BTBD9: variants seen among roughly 807,000 people sequenced by gnomAD.
BTBD9 encodes BTB/POZ domain-containing protein 9.
BTBD9 carries 49 observed loss-of-function variants against 64.3 expected under a neutral mutation model. That is an observed-to-expected ratio of 0.76 (90% CI 0.61 to 0.97). The LOEUF (loss-of-function observed/expected upper bound fraction) is 0.97, where lower values mean the gene tolerates loss of function less well. Ranked by LOEUF, BTBD9 falls within the 50% of genes least tolerant of loss-of-function variation. The pLI, the probability that BTBD9 is intolerant of heterozygous loss-of-function variation, is 0.00. For missense variants in BTBD9, 598 were observed against 762.1 expected (o/e 0.78, Z 2.53); for synonymous variants, 260 against 274.7 (o/e 0.95, Z 0.53).
intron 9 of BTBD9, among the ~76,000 whole-genome samples, chr6:38,227,571 G>A (rs557230583): frequency 6.6e-6 from 1 of 152,198 alleles, no homozygotes; most frequent in African/African-American, 2.4e-5. Context: ...GGGCTGGCTG[G>A]CCACAGTGGC....
chr6:38,297,105 C>T (rs781273606), intron 7 of BTBD9, among the ~76,000 whole-genome samples: 6 of 152,200 alleles, frequency 3.9e-5, no homozygotes, highest in East Asian at 1.9e-4. Context: ...CGGTGGCTCA[C>T]GCCTGTAATC....
rs1277961815 is a variant in BTBD9 at position 38,169,222 on chromosome 6, G to T, written c.*5763C>A. ...AGCAGGTCTCAGAATGACTCCTGTA[G>T]TGGCTAGGACTAGGGCACTGGCCGC... is the stretch of plus-strand genomic sequence containing the variant. On this transcript the variant is annotated 3_prime_UTR_variant, in exon 11 of 11. Coordinates refer to ENST00000481247, the MANE Select transcript of BTBD9 (RefSeq NM_001099272.2). The T allele has an allele frequency of 2.6e-5, 4 of 152,414 alleles. No individual in the cohort carries two copies. Among genetic ancestry groups the T allele is most frequent in the African/African-American group, 9.6e-5 (4 of 41,458 alleles). The allele number at this position is 152,414 out of a possible 1,614,324, so 9.4% of individuals were successfully genotyped here.
intron 10 of BTBD9, among the ~76,000 whole-genome samples, chr6:38,183,255 G>A (rs1011559996): frequency 1.8e-4 from 27 of 152,198 alleles, no homozygotes; most frequent in African/African-American, 5.3e-4. Flanking sequence ...GGGATTACAG[G>A]TGTGAGCCAC....
chr6:38,465,413 C>G (rs1330440361), intron 6 of BTBD9, among the ~76,000 whole-genome samples: 1 of 143,770 alleles, frequency 7.0e-6, no homozygotes, highest in African/African-American at 2.6e-5. Flanking sequence ...GTCAGGAAAT[C>G]GAGACCATCC....
chr6:38,639,369 G>A (rs1562455902), intron 1 of BTBD9, among the ~76,000 whole-genome samples: 1 of 152,178 alleles, frequency 6.6e-6, no homozygotes, highest in Non-Finnish European at 1.5e-5. Flanking sequence ...CCTACTCAGA[G>A]GCTGGCCAGG....
At chr6:38,203,354 G>A (rs1360561204) in intron 9 of BTBD9, among the ~76,000 whole-genome samples, 1 of 151,992 alleles carries the variant, frequency 6.6e-6, no homozygotes, top group African/African-American at 2.4e-5. Context: ...ATAAATTTCT[G>A]GAAACATGCA....
chr6:38,192,639 T>A lies in BTBD9; in HGVS notation c.1563-42A>T, dbSNP rs1029988620. On this transcript the variant is annotated intron_variant, in intron 9 of 10. Coordinates refer to ENST00000481247, the MANE Select transcript of BTBD9 (RefSeq NM_001099272.2). ...CCATTTGCCTGATTAGATGGTGCAG[T>A]TGACTCTCTGGTAGTGTGGCCGATG... 2.5e-6 allele frequency: 4 copies of A among 1,573,482 alleles called. No individual in the cohort carries two copies. In the Admixed American group the frequency reaches 6.7e-5, roughly 26 times the overall value.
intron 6 of BTBD9, among the ~76,000 whole-genome samples, chr6:38,367,881 T>C (rs996684847): frequency 1.3e-4 from 19 of 143,644 alleles, no homozygotes; most frequent in Admixed American, 6.3e-4. Flanking sequence ...TGTGTATCCA[T>C]AGTAAACTCA....
intron 1 of BTBD9, among the ~76,000 whole-genome samples, chr6:38,603,969 C>CA (rs1387444549): frequency 2.6e-5 from 4 of 151,738 alleles, no homozygotes; most frequent in Admixed American, 2.6e-4. Flanking sequence ...AAACACTCTC[C>CA]AAAAAAAATC....
At chr6:38,519,245 G>C (rs993577858) in intron 6 of BTBD9, among the ~76,000 whole-genome samples, 16 of 152,284 alleles carry the variant, frequency 1.1e-4, no homozygotes, top group African/African-American at 3.8e-4. Context: ...GGGATCATAA[G>C]GGCTCATAAG....
chr6:38,600,147 C>A (rs771829147), intron 1 of BTBD9, among the ~76,000 whole-genome samples: 6 of 152,182 alleles, frequency 3.9e-5, no homozygotes, highest in Non-Finnish European at 7.3e-5. Flanking sequence ...AATATAGGAG[C>A]TGGAAAACTT....
intron 4 of BTBD9, among the ~76,000 whole-genome samples, chr6:38,583,616 T>C (rs955778223): frequency 1.1e-4 from 16 of 152,258 alleles, no homozygotes; most frequent in Admixed American, 8.5e-4. Context: ...CTAAAACTTA[T>C]GAAGCTAGGG....
At chr6:38,415,730 C>G (rs780956415) in intron 6 of BTBD9, among the ~76,000 whole-genome samples, 1 of 152,122 alleles carries the variant, frequency 6.6e-6, no homozygotes, top group African/African-American at 2.4e-5. Context: ...GTTATTGCAA[C>G]GTGATAATAT....
At chr6:38,344,258 T>C (rs886279569) in intron 7 of BTBD9, among the ~76,000 whole-genome samples, 3 of 152,084 alleles carry the variant, frequency 2.0e-5, no homozygotes, top group Non-Finnish European at 2.9e-5. Context: ...GTATCTAGAA[T>C]GTCAAGACCT....
intron 6 of BTBD9, among the ~76,000 whole-genome samples, chr6:38,451,566 CATT>C (rs1303332506): frequency 6.6e-6 from 1 of 152,148 alleles, no homozygotes; most frequent in East Asian, 1.9e-4. Context: ...AAATGGCAAA[CATT>C]GTTGCAGAAG....
At chr6:38,377,434 T>C (rs145386433) in intron 6 of BTBD9, among the ~76,000 whole-genome samples, 6 of 152,328 alleles carry the variant, frequency 3.9e-5, no homozygotes, top group African/African-American at 7.2e-5. Context: ...AAACCAATGA[T>C]AGTATGCAAC....
chr6:38,627,247 T>C (rs1008030522), intron 1 of BTBD9, among the ~76,000 whole-genome samples: 1 of 152,142 alleles, frequency 6.6e-6, no homozygotes, highest in Non-Finnish European at 1.5e-5. Flanking sequence ...AGATTAGGGG[T>C]GTCTTATAAA....
intron 6 of BTBD9, among the ~76,000 whole-genome samples, chr6:38,350,627 T>C (rs1038048000): frequency 7.2e-5 from 11 of 152,228 alleles, no homozygotes; most frequent in Non-Finnish European, 1.3e-4. Flanking sequence ...TATTCTCAAA[T>C]TGAACTTTAT....
At chr6:38,206,224 T>G (rs1762645096) in intron 9 of BTBD9, among the ~76,000 whole-genome samples, 1 of 151,710 alleles carries the variant, frequency 6.6e-6, no homozygotes, top group Admixed American at 6.6e-5. Context: ...CTAAGCAATT[T>G]TTTTTTTTTG....
Sources: allele counts gnomAD v4.1 joint callset (sites outside exome capture counted in the v4.1 genomes callset), GRCh38; gene constraint gnomAD v4.1.1; transcripts MANE v1.5; gene names NCBI Gene and HGNC (gene_info 2026-07-23, HGNC 2026-07-21).